ZNF532: variants seen among roughly 807,000 people sequenced by gnomAD.
The protein encoded by ZNF532 is zinc finger protein 532.
A neutral mutation model predicts 89.3 loss-of-function variants in ZNF532; 22 were observed. The observed-to-expected ratio is 0.25, with a 90% CI of 0.18 to 0.35. The LOEUF is 0.35. ZNF532 is among the 10% of genes least tolerant of loss of function. The pLI, the probability that ZNF532 is intolerant of heterozygous loss-of-function variation, is 1.00. For missense variants in ZNF532, 1,132 were observed against 1,643.4 expected (o/e 0.69, Z 5.38); for synonymous variants, 606 against 649.6 (o/e 0.93, Z 1.02).
At chr18:58,963,842 A>T (rs2851708) in intron 7 of ZNF532, among the ~76,000 whole-genome samples, 1 of 149,834 alleles carries the variant, frequency 6.7e-6, no homozygotes, top group East Asian at 2.1e-4. Context: ...AAAAAAAAAA[A>T]TTTAAAAGGT....
intron 4 of ZNF532, among the ~76,000 whole-genome samples, chr18:58,938,507 G>A (rs1313355561): frequency 1.3e-5 from 2 of 152,192 alleles, no homozygotes; most frequent in African/African-American, 4.8e-5. Flanking sequence ...TTTTTTTAGA[G>A]ATGCTGAATT....
At position 58,880,771 on chromosome 18, in the gene ZNF532, C is replaced by CGCGTGTGTGTGTGTGT. The variant is rs1440107025; in HGVS notation, c.-18+15193_-18+15194insCGTGTGTGTGTGTGTG. Among the ~76,000 whole-genome samples the CGCGTGTGTGTGTGTGT allele has an allele frequency of 1.3e-3, 184 of 145,366 alleles. 3 individuals are homozygous for CGCGTGTGTGTGTGTGT. The highest frequency in any genetic ancestry group is 3.4e-3 in the East Asian group (17 of 4,938). ...TCATAGGCGCGCGCGCACGCGCGCG[C>CGCGTGTGTGTGTGTGT]GTCTGTGTGTGTGTGTGTATGTTTG... On this transcript the variant is annotated intron_variant, in intron 2 of 9. Coordinates refer to ENST00000591808, the MANE Select transcript of ZNF532 (RefSeq NM_001375912.1).
chr18:58,889,696 C>T (rs1207675748), intron 2 of ZNF532, among the ~76,000 whole-genome samples: 2 of 151,836 alleles, frequency 1.3e-5, no homozygotes, highest in African/African-American at 4.8e-5. Context: ...TCTCTTGAAC[C>T]CAGGGGGTGG....
intron 2 of ZNF532, among the ~76,000 whole-genome samples, chr18:58,902,028 G>A (rs948283043): frequency 3.3e-5 from 5 of 152,160 alleles, no homozygotes; most frequent in African/African-American, 1.2e-4. Context: ...GTTTCTCCAT[G>A]CCTGTTCTCC....
chr18:58,945,086 C>T (rs540230855), intron 5 of ZNF532, among the ~76,000 whole-genome samples: 3 of 152,312 alleles, frequency 2.0e-5, no homozygotes, highest in East Asian at 3.9e-4. Context: ...CTCTCTGGTC[C>T]GAGATCTTAT....
At chr18:58,866,863 A>G (rs1388598919) in intron 2 of ZNF532, among the ~76,000 whole-genome samples, 2 of 152,266 alleles carry the variant, frequency 1.3e-5, no homozygotes, top group African/African-American at 4.8e-5. Flanking sequence ...TTTAATAGAG[A>G]TAAATGTAAT....
chr18:58,870,098 G>T (rs1243989643), intron 2 of ZNF532, among the ~76,000 whole-genome samples: 2 of 141,414 alleles, frequency 1.4e-5, no homozygotes, highest in Admixed American at 1.5e-4. Context: ...TTTTTTTAAG[G>T]ATAAAATAGC....
chr18:58,922,318 C>T (rs966017000), intron 3 of ZNF532, among the ~76,000 whole-genome samples: 1 of 152,076 alleles, frequency 6.6e-6, no homozygotes, highest in African/African-American at 2.4e-5. Flanking sequence ...AGGGTAATTA[C>T]TGGTTTAAGT....
chr18:58,879,755 A>G (rs899328711), intron 2 of ZNF532, among the ~76,000 whole-genome samples: 2 of 152,244 alleles, frequency 1.3e-5, no homozygotes, highest in African/African-American at 2.4e-5. Context: ...CTGTTGGCCA[A>G]CGATTGTTTT....
chr18:58,924,241 T>A (rs925620544), intron 3 of ZNF532, among the ~76,000 whole-genome samples: 1 of 152,170 alleles, frequency 6.6e-6, no homozygotes, highest in Non-Finnish European at 1.5e-5. Context: ...ATTGGAAGAG[T>A]ATACCAGTCT....
intron 2 of ZNF532, among the ~76,000 whole-genome samples, chr18:58,892,448 A>G (rs1415517546): frequency 1.3e-5 from 2 of 152,312 alleles, no homozygotes; most frequent in Non-Finnish European, 2.9e-5. Context: ...ATGTGTATGT[A>G]TATTTATGCT....
intron 7 of ZNF532, among the ~76,000 whole-genome samples, chr18:58,968,759 CTG>C (rs1222672627): frequency 2.0e-5 from 3 of 152,208 alleles, no homozygotes; most frequent in African/African-American, 7.2e-5. Flanking sequence ...TGATTTGTCT[CTG>C]TTGCATTGGT....
chr18:58,929,264 G>GATA (rs1319714027), intron 3 of ZNF532, among the ~76,000 whole-genome samples: 1 of 152,260 alleles, frequency 6.6e-6, no homozygotes, highest in South Asian at 2.1e-4. Flanking sequence ...CAAGAGTGTG[G>GATA]ATAAAGGTGA....
At chr18:58,863,238 C>T (rs1433212383), upstream of ZNF532, 1 of 152,022 alleles carries the variant, frequency 6.6e-6, no homozygotes, top group Non-Finnish European at 1.5e-5. Flanking sequence ...AAGCAGCCCT[C>T]CCTGCGCCCC....
chr18:58,954,765 T>C (rs1356057722), intron 7 of ZNF532, among the ~76,000 whole-genome samples: 4 of 147,418 alleles, frequency 2.7e-5, no homozygotes, highest in Non-Finnish European at 5.9e-5. Flanking sequence ...CAGGCTGAAA[T>C]GCAGTGGCAT....
intron 9 of ZNF532, among the ~76,000 whole-genome samples, chr18:58,982,001 CAAAAAAAAAAAA>C (rs60019659): frequency 1.2e-5 from 1 of 83,312 alleles, no homozygotes. Context: ...GAGACTCTCC[CAAAAAAAAAAAA>C]AAAAAAAATC....
intron 7 of ZNF532, among the ~76,000 whole-genome samples, chr18:58,966,146 TGAG>T (rs2065896247): frequency 6.6e-6 from 1 of 152,084 alleles, no homozygotes; most frequent in East Asian, 1.9e-4. Context: ...CTCTTCTCCT[TGAG>T]TAGTTCTGCT....
At chr18:58,953,941 A>C (rs2064487024) in intron 7 of ZNF532, 142 bp downstream of exon 7, 1 of 1,427,344 alleles carries the variant, frequency 7.0e-7, no homozygotes, top group Non-Finnish European at 9.1e-7. Context: ...TCTCTGCCTC[A>C]CTTCTTTATC....
chr18:58,977,621 C>T (rs1180245216), intron 7 of ZNF532: 3 of 152,214 alleles, frequency 2.0e-5, no homozygotes, highest in Non-Finnish European at 2.9e-5. Context: ...TGACTGAGGC[C>T]AGCGGATCAC....
Sources: gnomAD v4.1 joint callset for allele counts (sites outside exome capture counted in the v4.1 genomes callset) on GRCh38, gnomAD v4.1.1 for gene constraint, MANE v1.5 for transcripts, NCBI Gene and HGNC (gene_info 2026-07-23, HGNC 2026-07-21) for gene names.